JCAD: variants seen among roughly 807,000 people sequenced by gnomAD.
The protein encoded by JCAD is junctional cadherin 5 associated.
Under a neutral mutation model 98.0 loss-of-function variants are expected in JCAD, and 40 were observed. The ratio of observed to expected loss-of-function variants is 0.41; its 90% CI spans 0.32 to 0.53. The LOEUF (loss-of-function observed/expected upper bound fraction) is 0.53. Ranked by LOEUF, JCAD falls within the 20% of genes least tolerant of loss-of-function variation. JCAD has a pLI of 0.31. For missense variants in JCAD, 1,705 were observed against 1,738.1 expected (o/e 0.98, Z 0.34); for synonymous variants, 691 against 682.3 (o/e 1.01, Z -0.20).
In JCAD at chr10:30,067,243, G is replaced by T. The variant is rs566543726; in HGVS notation, n.250+2457C>A. Among the ~76,000 whole-genome samples, 4 of 152,138 alleles carry T rather than the reference G, an allele frequency of 2.6e-5. No individual in the cohort carries two copies. The East Asian group carries it at 7.8e-4, about 30-fold the overall frequency. On this transcript the variant is annotated intron_variant and non_coding_transcript_variant, in intron 2 of 2. Coordinates refer to the JCAD transcript ENST00000465712. ...TAAAAAGAATGCCTCCATTTGGGGAGAGAATGGTGTATCAGGCTTTTATTA... is the reference window on the plus strand; with the variant it reads ...TAAAAAGAATGCCTCCATTTGGGGATAGAATGGTGTATCAGGCTTTTATTA...
intron 3 of JCAD, among the ~76,000 whole-genome samples, chr10:30,024,778 C>T (rs1409520846): frequency 6.7e-6 from 1 of 149,678 alleles, no homozygotes; most frequent in Non-Finnish European, 1.5e-5. Context: ...TCACCACAAG[C>T]TCCGCCTCCC....
chr10:30,100,595 G>A (rs796995248), intron 1 of JCAD, among the ~76,000 whole-genome samples: 15 of 152,268 alleles, frequency 9.9e-5, no homozygotes, highest in African/African-American at 3.4e-4. Context: ...AGTTGGCCAC[G>A]CTGGTCTCGA....
In JCAD at chr10:30,059,535, C is replaced by T. The variant is rs1589699859; in HGVS notation, c.-113G>A. On this transcript the variant is annotated 5_prime_UTR_variant, in exon 1 of 4. Coordinates refer to ENST00000375377, the MANE Select transcript of JCAD (RefSeq NM_020848.4). The surrounding 1 kb of genome is among the most constrained non-coding windows in gnomAD (Gnocchi z 5.0). The stretch of plus-strand genomic sequence containing the variant: ...CGCCACCGCCGCCGCTCCGGCCGGC[C>T]GGGGACCAGCGCGACCCGCCCCGCC... 1 of 148,112 alleles carries T rather than the reference C, an allele frequency of 6.8e-6. No homozygotes were observed. The allele number at this position is 148,112 out of a possible 1,614,324, so 9.2% of individuals were successfully genotyped here.
chr10:30,051,254 C>T (rs1837460151), intron 1 of JCAD, among the ~76,000 whole-genome samples: 1 of 146,678 alleles, frequency 6.8e-6, no homozygotes, highest in Non-Finnish European at 1.5e-5. Context: ...TTCTCACACA[C>T]CACACGCACA....
intron 1 of JCAD, among the ~76,000 whole-genome samples, chr10:30,113,290 C>T (rs1425007392): frequency 6.6e-6 from 1 of 151,866 alleles, no homozygotes. Flanking sequence ...GTGGCTCATG[C>T]CTGTAATCCC....
chr10:30,076,054 C>T (rs1837975413), intron 1 of JCAD, among the ~76,000 whole-genome samples: 1 of 151,462 alleles, frequency 6.6e-6, no homozygotes, highest in African/African-American at 2.4e-5. Context: ...GACAGAGTCT[C>T]ATTCTGTCAC....
intron 3 of JCAD, among the ~76,000 whole-genome samples, chr10:30,023,491 T>A (rs140285509): frequency 1.3e-5 from 2 of 152,142 alleles, no homozygotes; most frequent in Admixed American, 1.3e-4. Flanking sequence ...GATTCTACCA[T>A]CTAGGTTTGT....
In JCAD at chr10:30,016,693, CAG is replaced by C. The variant is rs1836542137; in HGVS notation, c.*1188_*1189del. 1 of 152,048 alleles carries C rather than the reference CAG, an allele frequency of 6.6e-6. No individual in the cohort carries two copies. The highest frequency in any genetic ancestry group is 1.9e-4 in the East Asian group (1 of 5,198). 9.4% of individuals were successfully genotyped at this position (152,048 alleles called of 1,614,324 possible). A position where few individuals can be genotyped will look rare whatever the true frequency, so the allele number is the denominator to read the frequency against. On this transcript the variant is annotated 3_prime_UTR_variant, in exon 4 of 4. Transcript: ENST00000375377. ...CAGGGTGGGAAGAAAAGCATGGTCT[CAG>C]GGTAGATCCCCACACACATACAAAG...
chr10:30,079,680 G>C (rs1218689569), intron 1 of JCAD, among the ~76,000 whole-genome samples: 1 of 152,158 alleles, frequency 6.6e-6, no homozygotes, highest in Non-Finnish European at 1.5e-5. Context: ...CCTACTGAAA[G>C]ACTAGAGAGC....
In JCAD at chr10:30,092,123, T is replaced by A. The variant is rs865780084; in HGVS notation, n.129-22302A>T. The stretch of plus-strand genomic sequence containing the variant: ...TTATATATATATATATATATATATA[T>A]ATAAAAAACATTTTAACTCTTTGCA... On this transcript the variant is annotated intron_variant and non_coding_transcript_variant, in intron 1 of 2. Coordinates refer to the JCAD transcript ENST00000465712. Among the ~76,000 whole-genome samples, 150 of 111,200 alleles carry A rather than the reference T, an allele frequency of 1.3e-3. 3 individuals carry two copies. The highest frequency in any genetic ancestry group is 8.4e-3 in the Middle Eastern group (2 of 238). 73.0% of individuals were successfully genotyped at this position (111,200 alleles called of 152,430 possible).
intron 2 of JCAD, among the ~76,000 whole-genome samples, chr10:30,041,571 C>T (rs1193527334): frequency 6.6e-6 from 1 of 152,136 alleles, no homozygotes; most frequent in Non-Finnish European, 1.5e-5. Context: ...AGAAACCTCC[C>T]AAGATGAGGG....
At chr10:30,031,815 T>C (rs1190862761) in intron 2 of JCAD, among the ~76,000 whole-genome samples, 34 of 132,314 alleles carry the variant, frequency 2.6e-4, no homozygotes, top group South Asian at 5.0e-4. Context: ...AGTGCAGTGG[T>C]GGGATCTCGG....
At chr10:30,058,004 G>C (rs574676320) in intron 1 of JCAD, among the ~76,000 whole-genome samples, 1 of 152,250 alleles carries the variant, frequency 6.6e-6, no homozygotes, top group Admixed American at 6.5e-5. Context: ...ATTCTAAAAT[G>C]AACTGACATT....
In JCAD at chr10:30,076,189, A is replaced by G. The variant is rs190901429; in HGVS notation, n.129-6368T>C. 2.0e-5 allele frequency among the ~76,000 whole-genome samples: 3 copies of G among 152,114 alleles called. No individual in the cohort carries two copies. The East Asian group carries it at 5.8e-4, about 30-fold the overall frequency. On this transcript the variant is annotated intron_variant and non_coding_transcript_variant, in intron 1 of 2. Transcript: ENST00000465712. Reference sequence around the variant, plus strand: ...CAGGTGCCTGCTACCACACCCGGCTAAATTTTTTTGTATTTTTAGTAGAGG... The same window carrying G: ...CAGGTGCCTGCTACCACACCCGGCTGAATTTTTTTGTATTTTTAGTAGAGG...
At chr10:30,113,548 CAAAAAAAA>C (rs71023545) in intron 1 of JCAD, among the ~76,000 whole-genome samples, 2 of 15,964 alleles carry the variant, frequency 1.3e-4, no homozygotes, top group African/African-American at 2.0e-4. Flanking sequence ...GAGACACTGT[CAAAAAAAA>C]AAAAAAAAAA....
intron 2 of JCAD, among the ~76,000 whole-genome samples, chr10:30,066,049 A>G (rs1837778892): frequency 1.3e-5 from 2 of 152,224 alleles, no homozygotes. Context: ...CACAATAAAT[A>G]GAAATGATCT....
At chr10:30,067,379 T>G (rs1589703313) in intron 2 of JCAD, among the ~76,000 whole-genome samples, 1 of 151,712 alleles carries the variant, frequency 6.6e-6, no homozygotes, top group African/African-American at 2.4e-5. Context: ...GAGTGCAGAG[T>G]GCAGTGGCAC....
At chr10:30,043,908 G>T (rs1837287341) in intron 2 of JCAD, among the ~76,000 whole-genome samples, 1 of 152,202 alleles carries the variant, frequency 6.6e-6, no homozygotes, top group Admixed American at 6.5e-5. Context: ...CTTTGTGTTG[G>T]CTATGGTTTA....
At chr10:30,045,096 A>G (rs994436197) in intron 2 of JCAD, among the ~76,000 whole-genome samples, 1 of 152,192 alleles carries the variant, frequency 6.6e-6, no homozygotes, top group African/African-American at 2.4e-5. Context: ...CCCTTCACTC[A>G]GGATGGAAAC....
Sources: gnomAD v4.1 joint callset for allele counts (sites outside exome capture counted in the v4.1 genomes callset) on GRCh38, gnomAD v4.1.1 for gene constraint, Gnocchi (gnomAD v3.1) non-coding constraint, MANE v1.5 for transcripts, NCBI Gene and HGNC (gene_info 2026-07-23, HGNC 2026-07-21) for gene names.